The following GRM5 variants were observed in gnomAD, a reference collection of about 807,000 sequenced individuals.
GRM5 encodes the protein glutamate metabotropic receptor 5.
In GRM5, 19 loss-of-function variants were observed where a neutral mutation model predicts 83.1. The observed-to-expected ratio is 0.23, with a 90% confidence interval of 0.16 to 0.34. The LOEUF is 0.34. GRM5 is among the 10% of genes least tolerant of loss of function. GRM5 has a pLI of 1.00. For synonymous variants in GRM5, 675 were observed against 633.6 expected, an observed-to-expected ratio of 1.07 and a Z score of -0.98; for missense variants, 1,160 against 1,588.3, an observed-to-expected ratio of 0.73 and a Z score of 4.58.
At chr11:88,856,869 G>T (rs2135547311) in intron 2 of GRM5, among the ~76,000 whole-genome samples, 1 of 152,056 alleles carries the variant, frequency 6.6e-6, no homozygotes, top group East Asian at 1.9e-4. Flanking sequence ...TCATTATATG[G>T]CATGTAACTT....
chr11:88,654,700 G>A (rs777310801), intron 3 of GRM5, among the ~76,000 whole-genome samples: 8 of 151,952 alleles, frequency 5.3e-5, no homozygotes, highest in African/African-American at 1.7e-4. Context: ...TGCTTACCTC[G>A]GTGATATTCA....
chr11:88,663,505 A>C (rs1288363780), intron 3 of GRM5, among the ~76,000 whole-genome samples: 1 of 152,250 alleles, frequency 6.6e-6, no homozygotes, highest in African/African-American at 2.4e-5. Context: ...TTAGTAAGCA[A>C]AATGATCCAT....
At chr11:88,981,221 A>G (rs1297150345) in intron 2 of GRM5, among the ~76,000 whole-genome samples, 2 of 152,306 alleles carry the variant, frequency 1.3e-5, no homozygotes, top group East Asian at 3.9e-4. Flanking sequence ...TTAATATTTT[A>G]GATAGGCCAC....
chr11:88,717,812 T>G (rs896035588), intron 3 of GRM5, among the ~76,000 whole-genome samples: 3 of 151,758 alleles, frequency 2.0e-5, no homozygotes, highest in Admixed American at 2.0e-4. Flanking sequence ...GAATTATATG[T>G]GTACTCTTGT....
intron 4 of GRM5, among the ~76,000 whole-genome samples, chr11:88,630,660 C>T (rs996358352): frequency 6.6e-6 from 1 of 151,710 alleles, no homozygotes; most frequent in South Asian, 2.1e-4. Flanking sequence ...CTCACTGCAA[C>T]CTCTGCCTCG....
chr11:88,986,739 T>TC (rs1565321970), intron 2 of GRM5, among the ~76,000 whole-genome samples: 1 of 149,300 alleles, frequency 6.7e-6, no homozygotes, highest in African/African-American at 2.5e-5. Context: ...TTTTTTTTTT[T>TC]TTTTTTTTGC....
At chr11:88,718,284 C>A (rs1428277354) in intron 3 of GRM5, among the ~76,000 whole-genome samples, 1 of 151,934 alleles carries the variant, frequency 6.6e-6, no homozygotes, top group African/African-American at 2.4e-5. Context: ...TTAACTCTGG[C>A]ATCCAATTTT....
intron 3 of GRM5, among the ~76,000 whole-genome samples, chr11:88,654,468 G>A (rs1939716888): frequency 1.3e-5 from 2 of 152,190 alleles, no homozygotes; most frequent in South Asian, 4.2e-4. Flanking sequence ...TTCCCTGGAA[G>A]AAGTGCAAGT....
intron 3 of GRM5, among the ~76,000 whole-genome samples, chr11:88,775,737 T>C (rs566794556): frequency 7.2e-5 from 11 of 152,346 alleles, no homozygotes; most frequent in Admixed American, 2.0e-4. Context: ...AGTTTCCATG[T>C]AGTTGAGCAG....
chr11:88,986,995 G>C (rs898529514), intron 2 of GRM5, among the ~76,000 whole-genome samples: 3 of 151,644 alleles, frequency 2.0e-5, no homozygotes, highest in East Asian at 1.9e-4. Context: ...TCATCCTATC[G>C]GGGGAAGGAG....
chr11:88,640,164 C>T (rs1244912541), intron 4 of GRM5, among the ~76,000 whole-genome samples: 1 of 152,008 alleles, frequency 6.6e-6, no homozygotes, highest in Non-Finnish European at 1.5e-5. Context: ...GGGTATTAAG[C>T]CAATAGTGTC....
chr11:88,585,764 G>A (rs1943301524), intron 7 of GRM5, among the ~76,000 whole-genome samples: 1 of 151,946 alleles, frequency 6.6e-6, no homozygotes, highest in Non-Finnish European at 1.5e-5. Flanking sequence ...TTCAATATTT[G>A]GAAAAATTAT....
chr11:88,665,831 G>T (rs1362655201), intron 3 of GRM5, among the ~76,000 whole-genome samples: 2 of 134,794 alleles, frequency 1.5e-5, no homozygotes, highest in Non-Finnish European at 3.2e-5. Context: ...TAGTCAGCCA[G>T]TACTGAGGGG....
intron 3 of GRM5, among the ~76,000 whole-genome samples, chr11:88,723,509 T>C (rs1463331392): frequency 6.6e-6 from 1 of 152,100 alleles, no homozygotes; most frequent in African/African-American, 2.4e-5. Context: ...AAGCAATCAA[T>C]AAGACTTCCT....
intron 2 of GRM5, among the ~76,000 whole-genome samples, chr11:89,004,163 TG>T (rs11350025): frequency 0.072 from 10,975 of 152,168 alleles, 1,301 homozygotes; most frequent in African/African-American, 0.25. Context: ...CTAAATGCTA[TG>T]TTTTCAAATG....
chr11:88,853,992 A>G (rs1430231909), intron 2 of GRM5, among the ~76,000 whole-genome samples: 2 of 150,728 alleles, frequency 1.3e-5, no homozygotes, highest in Non-Finnish European at 3.0e-5. Flanking sequence ...TCTCATGTTC[A>G]TGGCAGCATT....
intron 2 of GRM5, among the ~76,000 whole-genome samples, chr11:89,010,075 A>C: frequency 6.7e-6 from 1 of 149,690 alleles, no homozygotes; most frequent in East Asian, 1.9e-4. Flanking sequence ...ATTAACATAT[A>C]TATATGTACA....
In GRM5 at chr11:89,009,183, T is replaced by G. The variant is rs892410124; in HGVS notation, c.661+38029A>C. 4 of 653,938 alleles carry G rather than the reference T, an allele frequency of 6.1e-6. No homozygotes were observed. The African/African-American group carries it at 7.3e-5, about 12-fold the overall frequency. 40.5% of individuals were successfully genotyped at this position (653,938 alleles called of 1,614,324 possible). ...ATTTTAAGTGTATAAATGAATAAAT[T>G]TGTTAACACAAAGGTAAGTTGACAT... On this transcript the variant is annotated intron_variant, in intron 2 of 9. Transcript: ENST00000305447.
chr11:88,963,620 A>G (rs1419166650), intron 2 of GRM5, among the ~76,000 whole-genome samples: 2 of 152,188 alleles, frequency 1.3e-5, no homozygotes, highest in African/African-American at 4.8e-5. Context: ...ACCCCATGAC[A>G]TTGTGCCGGT....
Sources: gnomAD v4.1 joint callset for allele counts (sites outside exome capture counted in the v4.1 genomes callset) on GRCh38, gnomAD v4.1.1 for gene constraint, MANE v1.5 for transcripts, NCBI Gene and HGNC (gene_info 2026-07-23, HGNC 2026-07-21) for gene names.